The following PRIM2 variants were observed in gnomAD, a reference collection of about 807,000 sequenced individuals.
PRIM2 encodes the protein DNA primase subunit 2.
In PRIM2, 39 loss-of-function variants were observed where a neutral mutation model predicts 67.3. That is an observed-to-expected ratio of 0.58 (90% CI 0.45 to 0.76). The LOEUF is 0.76. Ranked by LOEUF, PRIM2 falls within the 30% of genes least tolerant of loss-of-function variation. PRIM2 has a pLI of 0.00. For synonymous variants in PRIM2, 143 were observed against 198.7 expected (o/e 0.72, Z 2.36); for missense variants, 398 against 598.7 (o/e 0.66, Z 3.50).
At chr6:57,638,576 CAAA>C (rs1227220865) in intron 13 of PRIM2, among the ~76,000 whole-genome samples, 10 of 32,028 alleles carry the variant, frequency 3.1e-4, no homozygotes, top group African/African-American at 6.4e-4. Context: ...AAACAGAAAG[CAAA>C]AAAAAAAAAA....
At chr6:57,280,092 A>G in the PRIM2 span, among the ~76,000 whole-genome samples, 3 of 152,218 alleles carry the variant, frequency 2.0e-5, no homozygotes, top group Non-Finnish European at 4.4e-5. Context: ...AACAGTCCTT[A>G]GGGATACTGA....
intron 10 of PRIM2, among the ~76,000 whole-genome samples, chr6:57,548,343 T>A (rs1397532288): frequency 6.6e-6 from 1 of 151,558 alleles, no homozygotes; most frequent in Non-Finnish European, 1.5e-5. Flanking sequence ...GGGAATAGAG[T>A]GTGCGTTTCT....
intron 12 of PRIM2, among the ~76,000 whole-genome samples, chr6:57,628,995 C>A (rs2127498891): frequency 6.6e-6 from 1 of 152,250 alleles, no homozygotes; most frequent in Admixed American, 6.5e-5. Context: ...TTGGTCATAC[C>A]TTAATGCTTC....
chr6:57,463,976 C>G (rs552865621), intron 7 of PRIM2, among the ~76,000 whole-genome samples: 2,053 of 152,284 alleles, frequency 0.013, 43 homozygotes, highest in African/African-American at 0.046. Flanking sequence ...ATAAGATCTT[C>G]TTTATCCTTG....
intron 10 of PRIM2, among the ~76,000 whole-genome samples, chr6:57,551,565 TGTTTAAAGA>T (rs1775403510): frequency 6.6e-6 from 1 of 152,212 alleles, no homozygotes; most frequent in African/African-American, 2.4e-5. Flanking sequence ...CCTAGGGGAC[TGTTTAAAGA>T]GTGTATTTTG....
intron 10 of PRIM2, among the ~76,000 whole-genome samples, chr6:57,593,306 CTT>C (rs1184560097): frequency 1.4e-5 from 2 of 145,100 alleles, no homozygotes. Context: ...CTTCCTACCT[CTT>C]TTTTTTTTTT....
At chr6:57,372,593 G>A (rs115620286) in intron 5 of PRIM2, among the ~76,000 whole-genome samples, 8 of 151,954 alleles carry the variant, frequency 5.3e-5, no homozygotes, top group Admixed American at 2.0e-4. Context: ...CATCTGATGC[G>A]CTCCCTCCTC....
At chr6:57,492,089 T>G (rs1773905900) in intron 7 of PRIM2, among the ~76,000 whole-genome samples, 1 of 152,182 alleles carries the variant, frequency 6.6e-6, no homozygotes, top group Non-Finnish European at 1.5e-5. Flanking sequence ...TTGTGGGGCG[T>G]GTCAGAGGTT....
intron 10 of PRIM2, among the ~76,000 whole-genome samples, chr6:57,586,675 G>A (rs1776194034): frequency 6.6e-6 from 1 of 152,278 alleles, no homozygotes; most frequent in African/African-American, 2.4e-5. Flanking sequence ...TCTTGGAAAT[G>A]CCAGGTGTGC....
At chr6:57,262,108 G>T in the PRIM2 span, among the ~76,000 whole-genome samples, 2 of 152,144 alleles carry the variant, frequency 1.3e-5, no homozygotes, top group Non-Finnish European at 2.9e-5. Context: ...CAGCAGTGTG[G>T]TATAGTAGAA....
At chr6:57,561,224 C>T (rs1775621678) in intron 10 of PRIM2, among the ~76,000 whole-genome samples, 1 of 152,094 alleles carries the variant, frequency 6.6e-6, no homozygotes, top group African/African-American at 2.4e-5. Flanking sequence ...GTGCTAGCAT[C>T]AAACTTTTTT....
At chr6:57,369,827 C>T (rs1769485317) in intron 5 of PRIM2, among the ~76,000 whole-genome samples, 1 of 152,128 alleles carries the variant, frequency 6.6e-6, no homozygotes, top group Non-Finnish European at 1.5e-5. Flanking sequence ...TTTATAGAAA[C>T]TGCATTAGTT....
intron 7 of PRIM2, among the ~76,000 whole-genome samples, chr6:57,412,057 G>A (rs186739736): frequency 1.3e-5 from 2 of 150,402 alleles, no homozygotes; most frequent in Admixed American, 1.3e-4. Context: ...TAGGGAAAAA[G>A]CTCTGTGGTT....
chr6:57,293,180 T>C, the PRIM2 span, among the ~76,000 whole-genome samples: 1 of 152,170 alleles, frequency 6.6e-6, no homozygotes, highest in Non-Finnish European at 1.5e-5. Context: ...GCAAAGGATA[T>C]GAACAGACAC....
chr6:57,225,849 G>A, the PRIM2 span, among the ~76,000 whole-genome samples: 3 of 152,170 alleles, frequency 2.0e-5, no homozygotes, highest in Admixed American at 2.0e-4. Flanking sequence ...GAAAAAACTA[G>A]TAGAAATCAC....
intron 5 of PRIM2, among the ~76,000 whole-genome samples, chr6:57,366,084 T>A (rs1371189471): frequency 6.6e-6 from 1 of 151,120 alleles, no homozygotes; most frequent in East Asian, 1.9e-4. Flanking sequence ...AAAAAAAAAC[T>A]GTATCTTCAA....
intron 10 of PRIM2, among the ~76,000 whole-genome samples, chr6:57,578,058 G>A (rs2127483862): frequency 6.6e-6 from 1 of 152,188 alleles, no homozygotes; most frequent in African/African-American, 2.4e-5. Flanking sequence ...TTGATACTTT[G>A]GAAGGATACT....
At chr6:57,446,791 C>G (rs376603791) in intron 7 of PRIM2, among the ~76,000 whole-genome samples, 4,951 of 152,214 alleles carry the variant, frequency 0.033, 267 homozygotes, top group African/African-American at 0.11. Flanking sequence ...CTGGCCATCT[C>G]CATCTCCCAT....
chr6:57,429,337 G>A (rs1266446075), intron 7 of PRIM2, among the ~76,000 whole-genome samples: 1 of 152,152 alleles, frequency 6.6e-6, no homozygotes, highest in East Asian at 1.9e-4. Flanking sequence ...CAACTCAACA[G>A]GATTCTTGCT....
Sources: allele counts gnomAD v4.1 joint callset (sites outside exome capture counted in the v4.1 genomes callset), GRCh38; gene constraint gnomAD v4.1.1; transcripts MANE v1.5; gene names NCBI Gene and HGNC (gene_info 2026-07-23, HGNC 2026-07-21).